MORN1: variants seen among roughly 807,000 people sequenced by gnomAD.
MORN1 encodes the protein MORN repeat-containing protein 1.
MORN1 carries 67 observed loss-of-function variants against 61.9 expected under a neutral mutation model. That is an observed-to-expected ratio of 1.08 (90% confidence interval 0.89 to 1.33). MORN1 has a LOEUF of 1.33. Ranked by LOEUF, MORN1 falls within the 40% of genes most tolerant of loss-of-function variation. MORN1 has a pLI of 0.00. For synonymous variants in MORN1, 301 were observed against 292.0 expected (o/e 1.03, Z -0.31); for missense variants, 752 against 691.2 (o/e 1.09, Z -0.99).
intron 3 of MORN1, chr1:2,387,889 G>T (rs1027351287): frequency 9.4e-6 from 4 of 423,310 alleles, no homozygotes; most frequent in Admixed American, 7.7e-5. Context: ...GACCCCTCTG[G>T]CGTGAGGGTC....
chr1:2,328,105 C>G (rs1334823462), intron 12 of MORN1, among the ~76,000 whole-genome samples: 1 of 152,264 alleles, frequency 6.6e-6, no homozygotes, highest in Non-Finnish European at 1.5e-5. Context: ...CCCTGTCTAC[C>G]CGGACCCACC....
At chr1:2,322,302 C>A (rs905240356) in intron 13 of MORN1, 48 of 985,290 alleles carry the variant, frequency 4.9e-5, no homozygotes, top group South Asian at 9.4e-5. Flanking sequence ...GGCACCGGAG[C>A]GTGGAAAAAG....
At position 2,324,046 on chromosome 1, in the gene MORN1, C is replaced by A. The variant is rs770220727; in HGVS notation, c.1297+51G>T. On this transcript the variant is annotated intron_variant, in intron 13 of 13. Coordinates refer to ENST00000378531, the MANE Select transcript of MORN1 (RefSeq NM_024848.3). ...CTCCAGCCCTGGGCTGCGGCCTCGC[C>A]TCTCCAGACAGTGGCACAGCCGGCG... 4 of 1,558,438 alleles carry A rather than the reference C, an allele frequency of 2.6e-6. No homozygotes were observed. In the African/African-American group the frequency reaches 5.4e-5, roughly 21 times the overall value.
intron 12 of MORN1, chr1:2,326,724 C>G (rs1032214090): frequency 6.6e-6 from 1 of 152,606 alleles, no homozygotes; most frequent in Admixed American, 6.5e-5. Context: ...CGCACCACCC[C>G]GGCGCCATCT....
At chr1:2,389,113 CAAA>C (rs549291051) in intron 2 of MORN1, among the ~76,000 whole-genome samples, 1 of 113,012 alleles carries the variant, frequency 8.8e-6, no homozygotes, top group Non-Finnish European at 1.8e-5. Context: ...ACTCTGTCTC[CAAA>C]AAAAAAAAAA....
At chr1:2,370,779 G>C (rs1022249207) in intron 8 of MORN1, among the ~76,000 whole-genome samples, 2 of 151,618 alleles carry the variant, frequency 1.3e-5, no homozygotes, top group South Asian at 4.2e-4. Flanking sequence ...CTGGGCTCAA[G>C]GGACTCTCCC....
chr1:2,322,372 G>C (rs1640901616), intron 13 of MORN1: 1 of 985,334 alleles, frequency 1.0e-6, no homozygotes, highest in Non-Finnish European at 1.2e-6. Flanking sequence ...GGGGGCAGGA[G>C]TCGGCTCACA....
chr1:2,368,006 T>C (rs192225103), intron 8 of MORN1, among the ~76,000 whole-genome samples: 3 of 152,334 alleles, frequency 2.0e-5, no homozygotes, highest in South Asian at 4.1e-4. Context: ...TTCATAGATA[T>C]GACATCAAAA....
intron 6 of MORN1, among the ~76,000 whole-genome samples, chr1:2,382,957 A>G (rs564919069): frequency 2.4e-4 from 37 of 152,038 alleles, no homozygotes; most frequent in Non-Finnish European, 4.6e-4. Context: ...GGGGAGCCAC[A>G]CTGCACCTCC....
At chr1:2,322,989 TG>T in intron 13 of MORN1, 5 of 985,452 alleles carry the variant, frequency 5.1e-6, no homozygotes, top group Non-Finnish European at 6.0e-6. Context: ...TAGCCCCAAG[TG>T]GCCCCTGAAT....
At chr1:2,386,100 G>A (rs559390948) in intron 4 of MORN1, 3 of 579,454 alleles carry the variant, frequency 5.2e-6, no homozygotes, top group South Asian at 2.0e-5. Flanking sequence ...GGCTCTGAAC[G>A]GGAAGGGCAG....
chr1:2,383,660 C>T (rs539932345), intron 6 of MORN1, among the ~76,000 whole-genome samples: 29 of 152,354 alleles, frequency 1.9e-4, no homozygotes, highest in East Asian at 9.6e-4. Context: ...CTGTGACCTG[C>T]GCTGCGTTTA....
chr1:2,326,715 G>C (rs999359343), intron 12 of MORN1: 33 of 152,666 alleles, frequency 2.2e-4, no homozygotes, highest in Admixed American at 2.2e-3. Flanking sequence ...CAGTAAGTCC[G>C]CACCACCCCG....
intron 7 of MORN1, 150 bp downstream of exon 7, chr1:2,374,311 T>C (rs1434442338): frequency 1.5e-6 from 1 of 649,650 alleles, no homozygotes. Context: ...GAACATGTTT[T>C]TCCTTAAAAG....
At chr1:2,330,213 C>T (rs1458666684) in intron 12 of MORN1, among the ~76,000 whole-genome samples, 5 of 152,324 alleles carry the variant, frequency 3.3e-5, no homozygotes, top group Non-Finnish European at 4.4e-5. Context: ...CCAGGACTCA[C>T]GCTCAGAGAA....
Position 2,357,304 on chromosome 1 carries a change from G to C in MORN1, c.1036+128C>G. 1.9e-6 allele frequency: 2 copies of C among 1,026,962 alleles called. No individual in the cohort carries two copies. The highest frequency in any genetic ancestry group is 1.7e-5 in the South Asian group (1 of 59,590). The allele number at this position is 1,026,962 out of a possible 1,614,324, so 63.6% of individuals were successfully genotyped here. A position where few individuals can be genotyped will look rare whatever the true frequency, so the allele number is the denominator to read the frequency against. On this transcript the variant is annotated intron_variant, in intron 10 of 13. Transcript: ENST00000378531. This position sits in a 1 kb window ranked among gnomAD's most constrained non-coding sequence, Gnocchi z 6.3. ...CGGCCCTGCCTCCTTTCACCCACGCGTGATGACTGACCCTGGGTGCGGCTT... is the reference window on the plus strand; with the variant it reads ...CGGCCCTGCCTCCTTTCACCCACGCCTGATGACTGACCCTGGGTGCGGCTT...
At chr1:2,384,561 G>C (rs1642444320) in intron 6 of MORN1, among the ~76,000 whole-genome samples, 1 of 152,248 alleles carries the variant, frequency 6.6e-6, no homozygotes. Flanking sequence ...CTCCGTACCA[G>C]GAAGAGAAAG....
In MORN1 at chr1:2,334,476, T is replaced by C. The variant is rs528761845; in HGVS notation, c.1250+1993A>G. ...CCCGATGGGAAAGACTCCCCAGGGT[T>C]TCCGCACCCAGAAGACGTAGTAAGG... On this transcript the variant is annotated intron_variant, in intron 12 of 13. Coordinates refer to ENST00000378531, the MANE Select transcript of MORN1 (RefSeq NM_024848.3). The surrounding 1 kb of genome is among the most constrained non-coding windows in gnomAD (Gnocchi z 5.4). 6.6e-6 allele frequency among the ~76,000 whole-genome samples: 1 copy of C among 152,176 alleles called. No individual in the cohort carries two copies. Among genetic ancestry groups the C allele is most frequent in the South Asian group, 2.1e-4 (1 of 4,824 alleles).
chr1:2,322,889 G>A, intron 13 of MORN1: 2 of 985,442 alleles, frequency 2.0e-6, no homozygotes, highest in Non-Finnish European at 2.4e-6. Flanking sequence ...TCTGGCTGGT[G>A]GCCACCGTGC....
Sources: gnomAD v4.1 joint callset for allele counts (sites outside exome capture counted in the v4.1 genomes callset) on GRCh38, gnomAD v4.1.1 for gene constraint, Gnocchi (gnomAD v3.1) non-coding constraint, MANE v1.5 for transcripts, NCBI Gene and HGNC (gene_info 2026-07-23, HGNC 2026-07-21) for gene names.